Variants in LRBA observed in about 807,000 individuals in gnomAD.
LRBA encodes LPS responsive beige-like anchor protein, also known as lipopolysaccharide-responsive and beige-like anchor protein.
Under a neutral mutation model 330.0 loss-of-function variants are expected in LRBA, and 176 were observed. That is an observed-to-expected ratio of 0.53 (90% CI 0.47 to 0.60). The LOEUF (loss-of-function observed/expected upper bound fraction) is 0.60. Among genes scored for constraint, LRBA ranks in the 20% least tolerant of loss-of-function variants. The pLI is 0.00. For missense variants in LRBA, 3,259 were observed against 3,444.8 expected, an observed-to-expected ratio of 0.95 and a Z score of 1.35; for synonymous variants, 1,230 against 1,193.0, an observed-to-expected ratio of 1.03 and a Z score of -0.64.
At chr4:150,554,454 G>T (rs1333767623) in intron 40 of LRBA, among the ~76,000 whole-genome samples, 1 of 152,128 alleles carries the variant, frequency 6.6e-6, no homozygotes, top group Non-Finnish European at 1.5e-5. Context: ...TAGAGAATTA[G>T]GCCATAAGGA....
chr4:150,645,914 C>A (rs1779090052), intron 37 of LRBA, among the ~76,000 whole-genome samples: 1 of 125,648 alleles, frequency 8.0e-6, no homozygotes, highest in East Asian at 2.7e-4. Flanking sequence ...AAAAGAAATT[C>A]TTCTCATTAG....
intron 40 of LRBA, among the ~76,000 whole-genome samples, chr4:150,531,238 T>C (rs1764027224): frequency 6.6e-6 from 1 of 152,210 alleles, no homozygotes; most frequent in South Asian, 2.1e-4. Context: ...AATCAAAATA[T>C]TTTGGCTTAT....
At chr4:150,368,963 T>G (rs942594030) in intron 47 of LRBA, among the ~76,000 whole-genome samples, 1 of 152,156 alleles carries the variant, frequency 6.6e-6, no homozygotes, top group African/African-American at 2.4e-5. Context: ...GTATGGACTG[T>G]GGGAATAAGA....
chr4:150,701,914 G>A (rs1029489588), intron 36 of LRBA, among the ~76,000 whole-genome samples: 3 of 152,072 alleles, frequency 2.0e-5, no homozygotes, highest in Non-Finnish European at 2.9e-5. Flanking sequence ...AACCATCCTG[G>A]GCCAAAGAAT....
intron 2 of LRBA, among the ~76,000 whole-genome samples, chr4:151,004,704 G>A (rs1027005175): frequency 4.0e-4 from 61 of 152,168 alleles, no homozygotes; most frequent in Admixed American, 9.2e-4. Context: ...ATAAGGTAAC[G>A]GCTGGGCGCG....
intron 34 of LRBA, among the ~76,000 whole-genome samples, chr4:150,796,762 C>G (rs1740848645): frequency 1.3e-5 from 2 of 151,838 alleles, no homozygotes; most frequent in African/African-American, 4.8e-5. Context: ...ATAATTATAT[C>G]ACTATGAACA....
At chr4:150,564,487 C>A (rs1283800811) in intron 40 of LRBA, among the ~76,000 whole-genome samples, 2 of 152,148 alleles carry the variant, frequency 1.3e-5, no homozygotes, top group Non-Finnish European at 2.9e-5. Context: ...GCAAGGACTT[C>A]ATGACTAAAA....
chr4:150,910,807 G>A (rs1731906565), intron 9 of LRBA, among the ~76,000 whole-genome samples: 1 of 152,100 alleles, frequency 6.6e-6, no homozygotes, highest in African/African-American at 2.4e-5. Context: ...CTTTACATTT[G>A]TTTCGGTCTC....
chr4:150,944,847 G>A (rs993845436), intron 2 of LRBA, among the ~76,000 whole-genome samples: 1 of 152,142 alleles, frequency 6.6e-6, no homozygotes, highest in Non-Finnish European at 1.5e-5. Flanking sequence ...CCCAGTGGTG[G>A]GTAACTGAAT....
At chr4:150,765,316 A>G (rs1428313886) in intron 34 of LRBA, among the ~76,000 whole-genome samples, 1 of 152,094 alleles carries the variant, frequency 6.6e-6, no homozygotes, top group Admixed American at 6.5e-5. Context: ...ACTCTGCATG[A>G]AACTATAATG....
In LRBA at chr4:150,355,737, G is replaced by A. The variant is rs78356816; in HGVS notation, c.7195-5578C>T. On this transcript the variant is annotated intron_variant, in intron 47 of 56. Coordinates refer to ENST00000651943, the MANE Select transcript of LRBA (RefSeq NM_001364905.1). Reference sequence around the variant, plus strand: ...ATTTACTTATAAGATGTATTTAATCGTATTTATAATGAATGAAACATCCAT... The same window carrying A: ...ATTTACTTATAAGATGTATTTAATCATATTTATAATGAATGAAACATCCAT... 1.7e-3 allele frequency among the ~76,000 whole-genome samples: 255 copies of A among 152,076 alleles called. 9 individuals are homozygous for A. In the East Asian group the frequency reaches 0.047, roughly 28 times the overall value.
chr4:150,454,560 A>C (rs1753806452), intron 44 of LRBA, among the ~76,000 whole-genome samples: 1 of 151,836 alleles, frequency 6.6e-6, no homozygotes, highest in Admixed American at 6.6e-5. Context: ...TTACTGGCCT[A>C]ATCAAAACTT....
intron 37 of LRBA, among the ~76,000 whole-genome samples, chr4:150,623,966 T>G (rs997204340): frequency 2.0e-5 from 3 of 152,178 alleles, no homozygotes; most frequent in African/African-American, 7.2e-5. Context: ...TCTATTAACT[T>G]TAGTATGTTA....
intron 48 of LRBA, among the ~76,000 whole-genome samples, chr4:150,340,004 G>C (rs1282828077): frequency 6.6e-6 from 1 of 151,964 alleles, no homozygotes; most frequent in Non-Finnish European, 1.5e-5. Flanking sequence ...TCTTGTGATG[G>C]TAAGTTCTCA....
intron 2 of LRBA, among the ~76,000 whole-genome samples, chr4:150,960,142 A>G (rs1397106513): frequency 6.7e-6 from 1 of 149,126 alleles, no homozygotes; most frequent in East Asian, 1.9e-4. Flanking sequence ...TTAATACATG[A>G]AAAAATATAT....
intron 40 of LRBA, among the ~76,000 whole-genome samples, chr4:150,504,017 C>T (rs190043855): frequency 8.0e-4 from 122 of 151,942 alleles, no homozygotes; most frequent in African/African-American, 2.8e-3. Flanking sequence ...ACGAATGACA[C>T]GAAGCAAGAA....
chr4:150,978,571 T>C (rs1486293596), intron 2 of LRBA, among the ~76,000 whole-genome samples: 23 of 152,188 alleles, frequency 1.5e-4, no homozygotes, highest in Admixed American at 1.5e-3. Flanking sequence ...AACAGAGATA[T>C]GTGGCCTTTT....
chr4:150,486,634 T>C (rs1757904638), intron 42 of LRBA, among the ~76,000 whole-genome samples: 1 of 151,876 alleles, frequency 6.6e-6, no homozygotes, highest in African/African-American at 2.4e-5. Context: ...AATATATCCA[T>C]TACCTCATAT....
chr4:150,885,177 C>A (rs755141429), intron 17 of LRBA, among the ~76,000 whole-genome samples: 4 of 137,454 alleles, frequency 2.9e-5, no homozygotes, highest in South Asian at 2.4e-4. Flanking sequence ...TACAGTGTTC[C>A]AACATAGATG....
Sources: allele counts gnomAD v4.1 joint callset (sites outside exome capture counted in the v4.1 genomes callset), GRCh38; gene constraint gnomAD v4.1.1; transcripts MANE v1.5; gene names NCBI Gene and HGNC (gene_info 2026-07-23, HGNC 2026-07-21).